MAGI2: variants seen among roughly 807,000 people sequenced by gnomAD.
MAGI2 encodes membrane-associated guanylate kinase, WW and PDZ domain-containing protein 2.
In MAGI2, 35 loss-of-function variants were observed where a neutral mutation model predicts 133.3. The observed-to-expected ratio is 0.26, with a 90% CI of 0.20 to 0.35. The LOEUF is 0.35. MAGI2 is among the 10% of genes least tolerant of loss of function. The pLI is 1.00. For missense variants in MAGI2, 1,636 were observed against 1,863.4 expected (o/e 0.88, Z 2.25); for synonymous variants, 729 against 710.6 (o/e 1.03, Z -0.41).
At chr7:78,167,048 A>AG (rs1429832264) in intron 15 of MAGI2, among the ~76,000 whole-genome samples, 1 of 151,978 alleles carries the variant, frequency 6.6e-6, no homozygotes, top group Non-Finnish European at 1.5e-5. Context: ...AGGGCTATCA[A>AG]GGGGTCAAGC....
intron 9 of MAGI2, among the ~76,000 whole-genome samples, chr7:78,315,014 C>A (rs1161748854): frequency 2.6e-5 from 4 of 152,056 alleles, no homozygotes; most frequent in Non-Finnish European, 4.4e-5. Context: ...ACTGGCTAGA[C>A]CAATATTTGT....
At chr7:78,281,444 G>GC (rs138174131) in intron 9 of MAGI2, among the ~76,000 whole-genome samples, 2,893 of 152,124 alleles carry the variant, frequency 0.019, 94 homozygotes, top group African/African-American at 0.066. Flanking sequence ...GCTTCACTGA[G>GC]CACCTCTCCT....
chr7:78,081,150 G>A (rs1300148866), intron 20 of MAGI2, among the ~76,000 whole-genome samples: 6 of 151,966 alleles, frequency 3.9e-5, no homozygotes, highest in Admixed American at 3.3e-4. Context: ...TGCCTTCCTC[G>A]ACTCTATGCT....
At chr7:79,193,815 G>T (rs1827862750) in intron 1 of MAGI2, among the ~76,000 whole-genome samples, 1 of 151,804 alleles carries the variant, frequency 6.6e-6, no homozygotes, top group Admixed American at 6.6e-5. Flanking sequence ...ATTACAACAG[G>T]CAGAGTCATT....
intron 9 of MAGI2, among the ~76,000 whole-genome samples, chr7:78,267,041 A>G (rs1794090395): frequency 6.6e-6 from 1 of 152,160 alleles, no homozygotes; most frequent in African/African-American, 2.4e-5. Context: ...TGGTCGGAGA[A>G]GTGCTCAACC....
intron 1 of MAGI2, among the ~76,000 whole-genome samples, chr7:79,067,384 C>T (rs1468928263): frequency 2.0e-5 from 3 of 152,104 alleles, no homozygotes; most frequent in African/African-American, 4.8e-5. Flanking sequence ...TGGGAGTTCA[C>T]TCATGATTTG....
chr7:78,279,916 A>T (rs1795397093), intron 9 of MAGI2, among the ~76,000 whole-genome samples: 1 of 152,162 alleles, frequency 6.6e-6, no homozygotes, highest in Non-Finnish European at 1.5e-5. Flanking sequence ...TTTGCCTCAT[A>T]CAGGACACCT....
At chr7:78,614,288 A>G (rs1176759025) in intron 3 of MAGI2, 1 of 107,466 alleles carries the variant, frequency 9.3e-6, no homozygotes, top group Non-Finnish European at 2.1e-5. Flanking sequence ...AAAGTGAAAG[A>G]AAAAAAAAAA....
intron 2 of MAGI2, among the ~76,000 whole-genome samples, chr7:78,983,495 C>T (rs550554074): frequency 2.2e-4 from 33 of 151,930 alleles, no homozygotes; most frequent in Non-Finnish European, 3.8e-4. Context: ...TTTCTCTCTA[C>T]AATCTTAGGA....
At chr7:78,215,970 G>A (rs1302833207) in intron 10 of MAGI2, among the ~76,000 whole-genome samples, 2 of 152,080 alleles carry the variant, frequency 1.3e-5, no homozygotes, top group Non-Finnish European at 2.9e-5. Flanking sequence ...AATTTTTCTG[G>A]TAAACATGCT....
At chr7:79,220,462 C>T (rs1038701174) in intron 1 of MAGI2, among the ~76,000 whole-genome samples, 4 of 151,974 alleles carry the variant, frequency 2.6e-5, no homozygotes, top group African/African-American at 7.3e-5. Flanking sequence ...GACCCCAATA[C>T]ATACATACAC....
intron 2 of MAGI2, among the ~76,000 whole-genome samples, chr7:78,678,686 A>G (rs563440457): frequency 1.1e-4 from 16 of 152,230 alleles, no homozygotes; most frequent in African/African-American, 3.6e-4. Context: ...GTGGTGAGTT[A>G]CCACAGTCCT....
intron 1 of MAGI2, among the ~76,000 whole-genome samples, chr7:79,101,936 G>T (rs530834462): frequency 8.5e-4 from 129 of 151,098 alleles, no homozygotes; most frequent in Non-Finnish European, 1.5e-3. Flanking sequence ...ATATATTTTA[G>T]GAAATATATG....
chr7:78,812,793 T>C (rs1185382465), intron 2 of MAGI2, among the ~76,000 whole-genome samples: 2 of 152,208 alleles, frequency 1.3e-5, no homozygotes, highest in Non-Finnish European at 2.9e-5. Flanking sequence ...ATCATATCTT[T>C]TAACTAGGTT....
chr7:79,307,103 T>C (rs1264063920), intron 1 of MAGI2, among the ~76,000 whole-genome samples: 1 of 152,182 alleles, frequency 6.6e-6, no homozygotes, highest in African/African-American at 2.4e-5. Context: ...TGACTTACAC[T>C]GAGCAGCAGG....
Position 78,462,385 on chromosome 7 carries a change from G to A in MAGI2, c.1045+27376C>T, listed in dbSNP as rs145413534. Among the ~76,000 whole-genome samples, 345 of 152,262 alleles carry A rather than the reference G, an allele frequency of 2.3e-3. 2 individuals carry two copies. The highest frequency in any genetic ancestry group is 7.0e-3 in the African/African-American group (290 of 41,546). ...AAATAGAGACAATGAAAAATGTATCGCTATTCTGAAATAAACTTCACATTC... is the reference window on the plus strand; with the variant it reads ...AAATAGAGACAATGAAAAATGTATCACTATTCTGAAATAAACTTCACATTC... On this transcript the variant is annotated intron_variant, in intron 6 of 21. Transcript: ENST00000354212.
At chr7:79,072,232 T>C (rs1194015590) in intron 1 of MAGI2, among the ~76,000 whole-genome samples, 1 of 152,046 alleles carries the variant, frequency 6.6e-6, no homozygotes, top group African/African-American at 2.4e-5. Context: ...GAGCTGTTCC[T>C]ATTTGGCCAT....
At chr7:78,269,224 T>C (rs894908138) in intron 9 of MAGI2, among the ~76,000 whole-genome samples, 3 of 152,220 alleles carry the variant, frequency 2.0e-5, no homozygotes, top group Admixed American at 6.5e-5. Flanking sequence ...TTTGCTATTG[T>C]GAACAGTGCC....
chr7:78,059,617 C>G (rs1813005153), intron 21 of MAGI2, among the ~76,000 whole-genome samples: 2 of 152,174 alleles, frequency 1.3e-5, no homozygotes, highest in Non-Finnish European at 2.9e-5. Context: ...CTACCTTCCT[C>G]CAAGGAGCCC....
Sources: gnomAD v4.1 joint callset for allele counts (sites outside exome capture counted in the v4.1 genomes callset) on GRCh38, gnomAD v4.1.1 for gene constraint, MANE v1.5 for transcripts, NCBI Gene and HGNC (gene_info 2026-07-23, HGNC 2026-07-21) for gene names.